Variants in APBB2 observed in about 807,000 individuals in gnomAD.
The protein encoded by APBB2 is amyloid beta precursor protein binding family B member 2, also known as Fe65-like 1.
A neutral mutation model predicts 82.5 loss-of-function variants in APBB2; 38 were observed. The observed-to-expected ratio is 0.46, with a 90% CI of 0.36 to 0.60. The LOEUF (loss-of-function observed/expected upper bound fraction) is 0.60, where lower values mean the gene tolerates loss of function less well. APBB2 is among the 20% of genes least tolerant of loss of function. The probability of loss-of-function intolerance (pLI) is 0.00; values close to 1 mark genes in which losing one functional copy is unlikely to be tolerated. For missense variants in APBB2, 772 were observed against 972.3 expected, an observed-to-expected ratio of 0.79 and a Z score of 2.74; for synonymous variants, 341 against 368.2, an observed-to-expected ratio of 0.93 and a Z score of 0.85.
chr4:41,066,656 G>A (rs938955593), intron 3 of APBB2, among the ~76,000 whole-genome samples: 7 of 152,196 alleles, frequency 4.6e-5, no homozygotes, highest in South Asian at 2.1e-4. Flanking sequence ...CTAGGGATGC[G>A]AGACAAGGCG....
At chr4:41,110,213 A>G (rs1269142412) in intron 2 of APBB2, among the ~76,000 whole-genome samples, 1 of 152,224 alleles carries the variant, frequency 6.6e-6, no homozygotes, top group Non-Finnish European at 1.5e-5. Flanking sequence ...GCTGCCACAC[A>G]TGTGCCTGGC....
At position 40,907,373 on chromosome 4, in the gene APBB2, ATATATATTTTTTTTT is replaced by A. The variant is rs1203538747; in HGVS notation, c.1255-13977_1255-13963del. Among the ~76,000 whole-genome samples, 47 of 37,406 alleles carry A rather than the reference ATATATATTTTTTTTT, an allele frequency of 1.3e-3. 1 individual carries two copies. Among genetic ancestry groups the A allele is most frequent in the Admixed American group, 1.7e-3 (4 of 2,416 alleles). The allele number at this position is 37,406 out of a possible 152,430, so 24.5% of individuals were successfully genotyped here. A position where few individuals can be genotyped will look rare whatever the true frequency, so the allele number is the denominator to read the frequency against. ...CATATATATATATATATATATATAT[ATATATATTTTTTTTT>A]TTTTTTTTTTTTAGACAGAGTCTCA... is the stretch of plus-strand genomic sequence containing the variant. On this transcript the variant is annotated intron_variant, in intron 10 of 17. Transcript: ENST00000508593.
chr4:40,834,081 C>A (rs1752998552), intron 12 of APBB2, among the ~76,000 whole-genome samples: 1 of 151,712 alleles, frequency 6.6e-6, no homozygotes, highest in South Asian at 2.1e-4. Flanking sequence ...AGAAACTCAG[C>A]AGCCTCAGGC....
chr4:41,150,446 G>A (rs1761973412), intron 1 of APBB2, among the ~76,000 whole-genome samples: 3 of 152,288 alleles, frequency 2.0e-5, no homozygotes, highest in Admixed American at 2.0e-4. Context: ...TAGATCATTA[G>A]GAATTATTGC....
chr4:40,945,435 T>C (rs1473418713), intron 6 of APBB2, among the ~76,000 whole-genome samples: 4 of 152,226 alleles, frequency 2.6e-5, no homozygotes, highest in African/African-American at 9.6e-5. Flanking sequence ...TGAATGCTTT[T>C]GTCAATTATT....
At chr4:41,137,823 A>G (rs1757996378) in intron 2 of APBB2, among the ~76,000 whole-genome samples, 1 of 152,192 alleles carries the variant, frequency 6.6e-6, no homozygotes, top group African/African-American at 2.4e-5. Context: ...ACAAAATAAG[A>G]TAAACATAGA....
intron 3 of APBB2, among the ~76,000 whole-genome samples, chr4:41,070,795 G>C (rs1444373416): frequency 6.6e-6 from 1 of 151,934 alleles, no homozygotes; most frequent in Non-Finnish European, 1.5e-5. Flanking sequence ...GCAATATCTC[G>C]GGAAGGAAAT....
intron 4 of APBB2, among the ~76,000 whole-genome samples, chr4:41,041,498 C>T (rs770535284): frequency 6.6e-6 from 1 of 152,136 alleles, no homozygotes; most frequent in Non-Finnish European, 1.5e-5. Context: ...GAACATTAAC[C>T]GTTACTGGTA....
rs536739848 is a variant in APBB2, at chr4:40,887,158, G to A, written c.1529+3206C>T. Among the ~76,000 whole-genome samples, 8 of 152,336 alleles carry A rather than the reference G, an allele frequency of 5.3e-5. No individual in the cohort carries two copies. The East Asian group carries it at 1.2e-3, about 22-fold the overall frequency. On this transcript the variant is annotated intron_variant, in intron 12 of 17. Coordinates refer to ENST00000508593, the MANE Select transcript of APBB2 (RefSeq NM_004307.2). ...CAACCCTGGGGGGCTCAGTGGGGGTGTCATAGCCAATCACCTCCTCATGCA... is the reference window on the plus strand; with the variant it reads ...CAACCCTGGGGGGCTCAGTGGGGGTATCATAGCCAATCACCTCCTCATGCA...
At chr4:41,055,979 G>A (rs1727700372) in intron 4 of APBB2, among the ~76,000 whole-genome samples, 1 of 152,140 alleles carries the variant, frequency 6.6e-6, no homozygotes, top group Admixed American at 6.5e-5. Flanking sequence ...GATCACCTGA[G>A]GTCAGGAGTT....
intron 6 of APBB2, among the ~76,000 whole-genome samples, chr4:40,983,938 T>C (rs1205363565): frequency 2.6e-5 from 4 of 152,206 alleles, no homozygotes; most frequent in Admixed American, 6.5e-5. Flanking sequence ...GGAAAAAAAT[T>C]TGTAATTGCA....
At chr4:40,896,069 C>T (rs1020568617) in intron 10 of APBB2, among the ~76,000 whole-genome samples, 2 of 145,888 alleles carry the variant, frequency 1.4e-5, no homozygotes, top group African/African-American at 5.1e-5. Context: ...CAATACAGTT[C>T]TTTTTTTTTT....
chr4:41,042,298 A>G (rs1480928939), intron 4 of APBB2, among the ~76,000 whole-genome samples: 1 of 152,186 alleles, frequency 6.6e-6, no homozygotes, highest in Non-Finnish European at 1.5e-5. Context: ...CTGATCCCCA[A>G]CTTTCATATT....
At chr4:41,175,114 T>C (rs1456319153) in intron 1 of APBB2, among the ~76,000 whole-genome samples, 1 of 152,214 alleles carries the variant, frequency 6.6e-6, no homozygotes, top group African/African-American at 2.4e-5. Flanking sequence ...CAACCCAGCC[T>C]AGTTAGATAG....
intron 12 of APBB2, among the ~76,000 whole-genome samples, chr4:40,887,670 C>CT (rs934133099): frequency 6.6e-6 from 1 of 152,156 alleles, no homozygotes; most frequent in Non-Finnish European, 1.5e-5. Context: ...GGCAAACACA[C>CT]TTTTAAAATT....
intron 1 of APBB2, among the ~76,000 whole-genome samples, chr4:41,150,312 G>A (rs547349638): frequency 6.6e-6 from 1 of 152,134 alleles, no homozygotes; most frequent in African/African-American, 2.4e-5. Flanking sequence ...AGCAGGTTAG[G>A]TGTCTAGTTA....
chr4:40,969,118 C>T (rs1220270172), intron 6 of APBB2, among the ~76,000 whole-genome samples: 1 of 152,214 alleles, frequency 6.6e-6, no homozygotes, highest in African/African-American at 2.4e-5. Flanking sequence ...TTATCAACTA[C>T]CCAGTCTCAG....
chr4:41,165,931 T>A (rs1384254879), intron 1 of APBB2, among the ~76,000 whole-genome samples: 1 of 142,506 alleles, frequency 7.0e-6, no homozygotes, highest in East Asian at 2.1e-4. Flanking sequence ...TGGAGTGCAG[T>A]GGCGCGATCT....
At chr4:41,112,965 C>T (rs1370350750) in intron 2 of APBB2, among the ~76,000 whole-genome samples, 3 of 151,050 alleles carry the variant, frequency 2.0e-5, no homozygotes, top group East Asian at 2.0e-4. Flanking sequence ...CCAACCTGGG[C>T]GACAGAGCGA....
Sources: allele counts gnomAD v4.1 joint callset (sites outside exome capture counted in the v4.1 genomes callset), GRCh38; gene constraint gnomAD v4.1.1; transcripts MANE v1.5; gene names NCBI Gene and HGNC (gene_info 2026-07-23, HGNC 2026-07-21).